The following RMST variants were observed in gnomAD, a reference collection of about 807,000 sequenced individuals.
The protein encoded by RMST is rhabdomyosarcoma 2 associated transcript, also known as long intergenic non-protein coding RNA 54.
chr12:97,482,530 G>A (rs1290408411), intron 5 of RMST, among the ~76,000 whole-genome samples: 1 of 151,244 alleles, frequency 6.6e-6, no homozygotes, highest in Non-Finnish European at 1.5e-5. Context: ...GAGTAAAATT[G>A]TTGGTTATAT....
chr12:97,512,102 G>A (rs1879388078), intron 10 of RMST, among the ~76,000 whole-genome samples: 1 of 152,126 alleles, frequency 6.6e-6, no homozygotes, highest in African/African-American at 2.4e-5. Flanking sequence ...GATGTGTTCA[G>A]AGTTTCTTCT....
At chr12:97,513,955 G>A (rs1565928670) in intron 10 of RMST, among the ~76,000 whole-genome samples, 1 of 152,196 alleles carries the variant, frequency 6.6e-6, no homozygotes, top group Non-Finnish European at 1.5e-5. Context: ...TTGTTCCACT[G>A]TAGGACTGGA....
intron 10 of RMST, among the ~76,000 whole-genome samples, chr12:97,524,797 A>C (rs534084261): frequency 7.8e-4 from 119 of 152,340 alleles, no homozygotes; most frequent in Non-Finnish European, 1.5e-3. Context: ...AAACTATGAC[A>C]CTTGAAAGCT....
At chr12:97,492,367 G>C (rs1430178882) in intron 5 of RMST, 2 of 152,936 alleles carry the variant, frequency 1.3e-5, no homozygotes, top group Admixed American at 1.3e-4. Flanking sequence ...TTCTTTTCTA[G>C]GATTTTACTA....
intron 10 of RMST, among the ~76,000 whole-genome samples, chr12:97,513,100 G>T (rs1288913954): frequency 6.6e-6 from 1 of 152,190 alleles, no homozygotes; most frequent in Non-Finnish European, 1.5e-5. Context: ...GCGCAGCCCG[G>T]GTTCCCACCT....
chr12:97,494,207 A>C (rs745444964), intron 8 of RMST, among the ~76,000 whole-genome samples: 5 of 152,210 alleles, frequency 3.3e-5, no homozygotes, highest in African/African-American at 4.8e-5. Flanking sequence ...ACATTCTATA[A>C]TATTATCTTC....
At chr12:97,476,492 T>C (rs2136404857) in intron 5 of RMST, among the ~76,000 whole-genome samples, 1 of 152,292 alleles carries the variant, frequency 6.6e-6, no homozygotes, top group East Asian at 1.9e-4. Flanking sequence ...CACCCATGCA[T>C]GATGTTCCAG....
chr12:97,506,941 C>G (rs756858610), intron 10 of RMST, among the ~76,000 whole-genome samples: 9 of 152,036 alleles, frequency 5.9e-5, no homozygotes, highest in Non-Finnish European at 1.0e-4. Context: ...CTCAGCCTCC[C>G]AAAGTGCTGG....
At chr12:97,470,131 C>G (rs1353762811) in intron 5 of RMST, among the ~76,000 whole-genome samples, 1 of 152,110 alleles carries the variant, frequency 6.6e-6, no homozygotes, top group Non-Finnish European at 1.5e-5. Context: ...CGTTGGCTCC[C>G]AGGAAGCCTG....
At chr12:97,562,154 C>CTT (rs1350824198) in intron 13 of RMST, among the ~76,000 whole-genome samples, 1 of 152,168 alleles carries the variant, frequency 6.6e-6, no homozygotes, top group Non-Finnish European at 1.5e-5. Context: ...TGCCTCGACA[C>CTT]TTTAAAACTG....
At chr12:97,494,355 T>C (rs1877176264) in intron 8 of RMST, among the ~76,000 whole-genome samples, 1 of 152,144 alleles carries the variant, frequency 6.6e-6, no homozygotes, top group African/African-American at 2.4e-5. Flanking sequence ...TAGATATAAT[T>C]TGAGTTTTAG....
intron 10 of RMST, among the ~76,000 whole-genome samples, chr12:97,509,337 A>G (rs1879040973): frequency 6.6e-6 from 1 of 152,212 alleles, no homozygotes; most frequent in South Asian, 2.1e-4. Context: ...CTTCAAGTAT[A>G]AAAAGCTTTT....
chr12:97,465,254 T>C (rs536557144), intron 4 of RMST, among the ~76,000 whole-genome samples: 1 of 152,326 alleles, frequency 6.6e-6, no homozygotes, highest in Non-Finnish European at 1.5e-5. Flanking sequence ...GCTGCGGCTC[T>C]GCTACGGGCG....
chr12:97,462,870 C>T (rs1872725794), exon 3 of RMST: 1 of 152,308 alleles, frequency 6.6e-6, no homozygotes, highest in Admixed American at 6.5e-5. Context: ...CTGCACTTTC[C>T]TGGTGAGAAT....
chr12:97,551,151 C>A (rs1883278000), intron 11 of RMST, among the ~76,000 whole-genome samples: 3 of 144,936 alleles, frequency 2.1e-5, no homozygotes. Flanking sequence ...GCATTAATGG[C>A]ATTCATGGTT....
At chr12:97,477,748 G>A (rs1480111722) in intron 5 of RMST, among the ~76,000 whole-genome samples, 1 of 152,150 alleles carries the variant, frequency 6.6e-6, no homozygotes, top group Non-Finnish European at 1.5e-5. Flanking sequence ...AAAGGATAAG[G>A]TTATTTCTTT....
At chr12:97,547,795 C>T (rs1299848678) in intron 11 of RMST, among the ~76,000 whole-genome samples, 1 of 151,900 alleles carries the variant, frequency 6.6e-6, no homozygotes, top group African/African-American at 2.4e-5. Flanking sequence ...GGATATTAGC[C>T]CCTTATCACA....
intron 10 of RMST, among the ~76,000 whole-genome samples, chr12:97,512,151 C>T (rs1336108599): frequency 1.3e-5 from 2 of 152,080 alleles, no homozygotes; most frequent in Admixed American, 6.5e-5. Context: ...CTCGCTGGCT[C>T]AGGAGTGAAG....
At chr12:97,482,297 T>C (rs1399416377) in intron 5 of RMST, among the ~76,000 whole-genome samples, 1 of 152,162 alleles carries the variant, frequency 6.6e-6, no homozygotes, top group Non-Finnish European at 1.5e-5. Context: ...TCTTCTGTGG[T>C]AGCTCGAAAG....
Sources: allele counts gnomAD v4.1 joint callset (sites outside exome capture counted in the v4.1 genomes callset), GRCh38; gene constraint gnomAD v4.1.1; transcripts MANE v1.5; gene names NCBI Gene and HGNC (gene_info 2026-07-23, HGNC 2026-07-21).